ATP6V0A4: variants seen among roughly 807,000 people sequenced by gnomAD.
The protein encoded by ATP6V0A4 is ATPase H+ transporting V0 subunit a4.
In ATP6V0A4, 86 loss-of-function variants were observed where a neutral mutation model predicts 107.3. The observed-to-expected ratio is 0.80, with a 90% CI of 0.67 to 0.96. The LOEUF is 0.96. Ranked by LOEUF, ATP6V0A4 falls within the 40% of genes least tolerant of loss-of-function variation. The pLI is 0.00. For missense variants in ATP6V0A4, 908 were observed against 1,045.6 expected (o/e 0.87, Z 1.81); for synonymous variants, 353 against 381.4 (o/e 0.93, Z 0.87).
chr7:138,771,114 A>G lies in ATP6V0A4; in HGVS notation c.117+17T>C. The G allele has an allele frequency of 6.2e-7, 1 of 1,612,102 alleles. No individual in the cohort carries two copies. The highest frequency in any genetic ancestry group is 2.2e-5 in the East Asian group (1 of 44,868). On this transcript the variant is annotated intron_variant, in intron 3 of 21. Coordinates refer to ENST00000310018, the MANE Select transcript of ATP6V0A4 (RefSeq NM_020632.3). ...CACCCCTGCCTTCCTCTTATCTCCAAAGAACTCAGTACCTACATCTTTGAA... is the reference window on the plus strand; with the variant it reads ...CACCCCTGCCTTCCTCTTATCTCCAGAGAACTCAGTACCTACATCTTTGAA...
In ATP6V0A4 at chr7:138,773,578, T is replaced by C. The variant is rs539914118; in HGVS notation, c.-17-2314A>G. ...GTTTCCACTCCCACACCGGTCTAGG[T>C]CAACAGCACCACAAAGTGGGTACTC... On this transcript the variant is annotated intron_variant, in intron 2 of 21. Transcript: ENST00000310018. This position sits in a 1 kb window ranked among gnomAD's most constrained non-coding sequence, Gnocchi z 5.4. 1.3e-5 allele frequency among the ~76,000 whole-genome samples: 2 copies of C among 152,160 alleles called. No individual in the cohort carries two copies. Among genetic ancestry groups the C allele is most frequent in the Admixed American group, 1.3e-4 (2 of 15,276 alleles).
chr7:138,785,673 A>G (rs1313604334), intron 2 of ATP6V0A4, among the ~76,000 whole-genome samples: 1 of 152,144 alleles, frequency 6.6e-6, no homozygotes, highest in Admixed American at 6.6e-5. Flanking sequence ...TTGAGACAGA[A>G]AAGAATGATT....
chr7:138,728,885 T>C (rs754868475), intron 17 of ATP6V0A4, 23 bp from the exon 18 acceptor site: 19 of 1,613,690 alleles, frequency 1.2e-5, no homozygotes, highest in Non-Finnish European at 1.6e-5. Flanking sequence ...AATGGCGAGA[T>C]CTCATCATTT....
intron 20 of ATP6V0A4, among the ~76,000 whole-genome samples, chr7:138,710,473 G>A (rs1318627583): frequency 2.6e-5 from 4 of 152,166 alleles, no homozygotes; most frequent in African/African-American, 7.2e-5. Context: ...ACAGGCGTAA[G>A]CCACCGCGCC....
At chr7:138,743,948 C>A (rs1236640099) in intron 14 of ATP6V0A4, among the ~76,000 whole-genome samples, 1 of 152,144 alleles carries the variant, frequency 6.6e-6, no homozygotes, top group Non-Finnish European at 1.5e-5. Context: ...TGTTCTCCCC[C>A]AGTTCATTAA....
chr7:138,709,877 AAT>A, intron 20 of ATP6V0A4, 82 bp from the exon 21 acceptor site: 19 of 1,412,428 alleles, frequency 1.3e-5, no homozygotes, highest in African/African-American at 2.9e-5. Flanking sequence ...TTTAATTAAA[AAT>A]ATATATATAT....
At position 138,715,856 on chromosome 7, in the gene ATP6V0A4, T is replaced by C. The variant is rs998285099; in HGVS notation, c.2165A>G (p.His722Arg). ...GTACTCGATGGTGTGGATGGCTTGG[T>C]GGACAAAGACGTCTCCAAAGTTGAA... is the stretch of plus-strand genomic sequence containing the variant. ...EEFNFGDVFVHQAIHTIEYCL... is the reference protein window; with the variant it reads ...EEFNFGDVFVRQAIHTIEYCL... The change falls in exon 20 of 22, where the codon CAC (histidine) becomes CGC (arginine). Residue 722 changes from histidine to arginine, a missense_variant. By Grantham distance (29) the His-to-Arg change is conservative (BLOSUM62 0). Transcript: ENST00000310018. 6.2e-7 allele frequency: 1 copy of C among 1,613,564 alleles called. No individual in the cohort carries two copies. Among genetic ancestry groups the C allele is most frequent in the African/African-American group, 1.3e-5 (1 of 75,032 alleles).
At chr7:138,758,464 A>AT (rs1266446362) in intron 8 of ATP6V0A4, among the ~76,000 whole-genome samples, 1 of 152,190 alleles carries the variant, frequency 6.6e-6, no homozygotes, top group East Asian at 1.9e-4. Context: ...ATTAAAATTA[A>AT]TTTTTTTAGC....
chr7:138,708,750 A>G (rs951247616), intron 21 of ATP6V0A4, among the ~76,000 whole-genome samples: 1 of 152,138 alleles, frequency 6.6e-6, no homozygotes, highest in Admixed American at 6.6e-5. Context: ...CCTTGTTGGT[A>G]TAACTCCTCT....
chr7:138,708,477 T>C (rs1479418795), intron 21 of ATP6V0A4, among the ~76,000 whole-genome samples: 1 of 152,170 alleles, frequency 6.6e-6, no homozygotes, highest in African/African-American at 2.4e-5. Flanking sequence ...GGCTTCTTTA[T>C]GAATAGTGGC....
Position 138,709,626 on chromosome 7 carries a change from G to A in ATP6V0A4, c.2427C>T (p.His809=), listed in dbSNP as rs1462641284. The change falls in exon 21 of 22, where the codon CAC becomes CAT. Residue 809 remains histidine, a splice_region_variant and synonymous_variant. Coordinates refer to ENST00000310018, the MANE Select transcript of ATP6V0A4 (RefSeq NM_020632.3). ...LSAFLHALRL[H]WVEFQNKFYV... ...TTCCAGGGGACAACCATCCTTACCA[G>A]TGCAGTCGCAGGGCGTGCAGGAAAG... 1 of 1,612,336 alleles carries A rather than the reference G, an allele frequency of 6.2e-7. No homozygotes were observed. The highest frequency in any genetic ancestry group is 1.1e-5 in the South Asian group (1 of 91,030).
intron 11 of ATP6V0A4, among the ~76,000 whole-genome samples, chr7:138,752,294 C>A (rs559839116): frequency 6.6e-6 from 1 of 151,864 alleles, no homozygotes; most frequent in South Asian, 2.1e-4. Flanking sequence ...CACTTGAACC[C>A]GGGAGGCAGA....
intron 17 of ATP6V0A4, among the ~76,000 whole-genome samples, chr7:138,731,233 C>G (rs996362807): frequency 6.6e-6 from 1 of 152,174 alleles, no homozygotes; most frequent in Admixed American, 6.5e-5. Flanking sequence ...CTACGCCCAG[C>G]CTTTTCTTTT....
chr7:138,709,155 G>A (rs531136608), intron 21 of ATP6V0A4, among the ~76,000 whole-genome samples: 1 of 143,604 alleles, frequency 7.0e-6, no homozygotes, highest in East Asian at 2.1e-4. Context: ...GTTGCAGTGA[G>A]CCAAGATTGC....
chr7:138,777,474 G>C (rs1253237268), intron 2 of ATP6V0A4, among the ~76,000 whole-genome samples: 1 of 151,944 alleles, frequency 6.6e-6, no homozygotes, highest in Non-Finnish European at 1.5e-5. Context: ...AAATTAGCTG[G>C]GCTTGGTGGC....
At chr7:138,740,770 T>G (rs1454579768) in intron 14 of ATP6V0A4, among the ~76,000 whole-genome samples, 2 of 151,802 alleles carry the variant, frequency 1.3e-5, no homozygotes, top group East Asian at 3.9e-4. Flanking sequence ...TCTGCAAGCC[T>G]TAAGGGGATG....
chr7:138,746,020 CAT>C (rs1212162108), intron 13 of ATP6V0A4, among the ~76,000 whole-genome samples: 2 of 120,740 alleles, frequency 1.7e-5, no homozygotes, highest in African/African-American at 6.3e-5. Flanking sequence ...ATATTTATAA[CAT>C]AATATATATT....
rs768085481 is a variant in ATP6V0A4 at position 138,771,157 on chromosome 7, C to T, written c.91G>A (p.Glu31Lys). 1 of 1,614,082 alleles carries T rather than the reference C, an allele frequency of 6.2e-7. No homozygotes were observed. The highest frequency in any genetic ancestry group is 1.3e-5 in the African/African-American group (1 of 74,934). The change falls in exon 3 of 22, where the codon GAG becomes AAG. Residue 31 changes from glutamate (E) to lysine (K), a missense_variant. Glu to Lys is a moderately conservative substitution (Grantham distance 56). Transcript: ENST00000310018. ...TCTTTGAACTGAACCAATCCGAGCTCTCCGAGCTCAGCCACACAGCAATAT... is the reference window on the plus strand; with the variant it reads ...TCTTTGAACTGAACCAATCCGAGCTTTCCGAGCTCAGCCACACAGCAATAT... ...AAYCCVAELG[E>K]LGLVQFKDLN...
Position 138,773,276 on chromosome 7 carries a change from C to G in ATP6V0A4, c.-17-2012G>C, listed in dbSNP as rs1022449458. ...CCTGCATTTCTCCCAGCTCCCACCC[C>G]CTTCAGGCCCTTCGCCCAGGCTTTC... On this transcript the variant is annotated intron_variant, in intron 2 of 21. Coordinates refer to ENST00000310018, the MANE Select transcript of ATP6V0A4 (RefSeq NM_020632.3). This position sits in a 1 kb window ranked among gnomAD's most constrained non-coding sequence, Gnocchi z 5.4. Among the ~76,000 whole-genome samples, 12 of 152,154 alleles carry G rather than the reference C, an allele frequency of 7.9e-5. No individual in the cohort carries two copies. Among genetic ancestry groups the G allele is most frequent in the African/African-American group, 1.4e-4 (6 of 41,414 alleles).
Sources: allele counts gnomAD v4.1 joint callset (sites outside exome capture counted in the v4.1 genomes callset), GRCh38; gene constraint gnomAD v4.1.1; non-coding constraint Gnocchi (gnomAD v3.1); transcripts MANE v1.5; gene names NCBI Gene and HGNC (gene_info 2026-07-23, HGNC 2026-07-21).